The following ZFHX3 variants were observed in gnomAD, a reference collection of about 807,000 sequenced individuals.
The protein encoded by ZFHX3 is zinc finger homeobox protein 3.
A neutral mutation model predicts 279.1 loss-of-function variants in ZFHX3; 42 were observed. The observed-to-expected ratio is 0.15, with a 90% CI of 0.12 to 0.19. The LOEUF (loss-of-function observed/expected upper bound fraction) is 0.19, where lower values mean the gene tolerates loss of function less well. Ranked by LOEUF, ZFHX3 falls within the 10% of genes least tolerant of loss-of-function variation. The probability of loss-of-function intolerance (pLI) is 1.00; values close to 1 mark genes in which losing one functional copy is unlikely to be tolerated. For missense variants in ZFHX3, 4,981 were observed against 4,754.0 expected, an observed-to-expected ratio of 1.05 and a Z score of -1.40; for synonymous variants, 2,293 against 1,957.8, an observed-to-expected ratio of 1.17 and a Z score of -4.52.
chr16:73,615,181 C>T (rs537024687), intron 2 of ZFHX3, among the ~76,000 whole-genome samples: 1 of 151,334 alleles, frequency 6.6e-6, no homozygotes, highest in Non-Finnish European at 1.5e-5. Flanking sequence ...TGAGGGGCCC[C>T]GGGCAGGAGT....
chr16:72,788,901 G>A lies in ZFHX3; in HGVS notation c.9428-53C>T, dbSNP rs2035582715. 12 of 1,503,746 alleles carry A rather than the reference G, an allele frequency of 8.0e-6. No homozygotes were observed. The East Asian group carries it at 1.6e-4, about 20-fold the overall frequency. The allele number at this position is 1,503,746 out of a possible 1,614,324, so 93.2% of individuals were successfully genotyped here. ...GGTCAGTCTGGGCAGGGGTAGGGCT[G>A]AAGCTCAAGACGTTTTACCGGTGTC... On this transcript the variant is annotated intron_variant, in intron 9 of 9. Coordinates refer to ENST00000268489, the MANE Select transcript of ZFHX3 (RefSeq NM_006885.4).
chr16:73,125,047 CA>C (rs749047085), intron 7 of ZFHX3, among the ~76,000 whole-genome samples: 3 of 151,928 alleles, frequency 2.0e-5, no homozygotes, highest in Non-Finnish European at 2.9e-5. Flanking sequence ...AGATCTGGGG[CA>C]AATGGAAGGT....
At chr16:73,422,697 C>T (rs1327997927) in intron 3 of ZFHX3, among the ~76,000 whole-genome samples, 1 of 152,210 alleles carries the variant, frequency 6.6e-6, no homozygotes, top group Admixed American at 6.5e-5. Context: ...CCTCCTTCCT[C>T]TGCCTCTTTG....
At chr16:73,530,166 C>T (rs1475182870) in intron 2 of ZFHX3, among the ~76,000 whole-genome samples, 1 of 152,072 alleles carries the variant, frequency 6.6e-6, no homozygotes, top group Non-Finnish European at 1.5e-5. Flanking sequence ...TGGTGGCAGG[C>T]AAGAGAGAGA....
intron 2 of ZFHX3, among the ~76,000 whole-genome samples, chr16:73,492,646 G>C (rs1346012866): frequency 6.6e-6 from 1 of 152,206 alleles, no homozygotes; most frequent in East Asian, 1.9e-4. Context: ...AAGTGGTCTT[G>C]AAGGTTAAAT....
At chr16:73,383,157 AGTC>A (rs1014512869) in intron 3 of ZFHX3, among the ~76,000 whole-genome samples, 7 of 152,212 alleles carry the variant, frequency 4.6e-5, no homozygotes, top group African/African-American at 1.7e-4. Context: ...CTTAACTGCA[AGTC>A]ATTTGTCTGC....
At chr16:73,439,124 TG>T (rs1180327083) in intron 3 of ZFHX3, among the ~76,000 whole-genome samples, 2 of 152,308 alleles carry the variant, frequency 1.3e-5, no homozygotes, top group East Asian at 3.9e-4. Flanking sequence ...TTCTCTTTCC[TG>T]GAAAACTCTC....
chr16:73,521,695 T>TA (rs1261869104), intron 2 of ZFHX3, among the ~76,000 whole-genome samples: 2 of 151,920 alleles, frequency 1.3e-5, no homozygotes, highest in African/African-American at 2.4e-5. Flanking sequence ...TAATTTAAAA[T>TA]AAAAAAATTT....
chr16:73,733,470 C>T lies in ZFHX3; in HGVS notation c.-1607-53230G>A, dbSNP rs549897176. Among the ~76,000 whole-genome samples, 16 of 152,102 alleles carry T rather than the reference C, an allele frequency of 1.1e-4. No homozygotes were observed. The East Asian group carries it at 3.1e-3, about 29-fold the overall frequency. On this transcript the variant is annotated intron_variant, in intron 1 of 17. Coordinates refer to the ZFHX3 transcript ENST00000641206. ...GTTAAAATTTATATTTTTATATACC[C>T]CCAAATTACACTAATTGAAGTACAA...
intron 5 of ZFHX3, among the ~76,000 whole-genome samples, chr16:72,823,562 C>A (rs1489802583): frequency 6.6e-6 from 1 of 152,126 alleles, no homozygotes; most frequent in East Asian, 1.9e-4. Flanking sequence ...AGAAAAGTAG[C>A]CTTGGTGCTG....
At chr16:73,163,590 C>T (rs1967291821) in intron 5 of ZFHX3, among the ~76,000 whole-genome samples, 1 of 152,176 alleles carries the variant, frequency 6.6e-6, no homozygotes, top group Admixed American at 6.5e-5. Flanking sequence ...AAAAAGTCTG[C>T]TGACTCTTGG....
intron 4 of ZFHX3, among the ~76,000 whole-genome samples, chr16:73,313,986 C>T (rs1480269784): frequency 6.6e-6 from 1 of 152,124 alleles, no homozygotes; most frequent in Non-Finnish European, 1.5e-5. Context: ...GTAGTCCCAG[C>T]TCCTTGAGAG....
intron 4 of ZFHX3, among the ~76,000 whole-genome samples, chr16:72,868,043 C>T (rs1335327558): frequency 1.3e-5 from 2 of 152,164 alleles, no homozygotes; most frequent in Admixed American, 1.3e-4. Context: ...ATGATCCCTG[C>T]CCCAAGATGT....
At chr16:73,122,981 C>G (rs553814828) in intron 7 of ZFHX3, among the ~76,000 whole-genome samples, 20 of 152,216 alleles carry the variant, frequency 1.3e-4, no homozygotes, top group Admixed American at 5.2e-4. Context: ...TCCACTCCCT[C>G]ATGCTACGTT....
At chr16:73,433,339 G>T (rs575582627) in intron 3 of ZFHX3, among the ~76,000 whole-genome samples, 106 of 152,250 alleles carry the variant, frequency 7.0e-4, no homozygotes, top group Admixed American at 1.1e-3. Context: ...GGCTGCTGTG[G>T]GGTATATGCA....
At chr16:73,245,155 T>C (rs957033896) in intron 5 of ZFHX3, among the ~76,000 whole-genome samples, 1 of 152,234 alleles carries the variant, frequency 6.6e-6, no homozygotes, top group African/African-American at 2.4e-5. Context: ...CTCATAGCAG[T>C]CACCACACTG....
At chr16:73,367,437 A>C (rs1287780719) in intron 3 of ZFHX3, among the ~76,000 whole-genome samples, 2 of 152,352 alleles carry the variant, frequency 1.3e-5, no homozygotes, top group East Asian at 3.9e-4. Flanking sequence ...TGAATAATTA[A>C]AAATGATGGT....
intron 5 of ZFHX3, among the ~76,000 whole-genome samples, chr16:73,189,151 C>T (rs79009399): frequency 0.15 from 22,163 of 152,136 alleles, 1,963 homozygotes; most frequent in Middle Eastern, 0.2. Flanking sequence ...CATGAGCCAC[C>T]GCGCCCGCCC....
At chr16:73,283,888 G>A (rs573293167) in intron 4 of ZFHX3, among the ~76,000 whole-genome samples, 2 of 152,182 alleles carry the variant, frequency 1.3e-5, no homozygotes, top group African/African-American at 4.8e-5. Context: ...GTTCGAATTC[G>A]CAATGAGATA....
Sources: allele counts gnomAD v4.1 joint callset (sites outside exome capture counted in the v4.1 genomes callset), GRCh38; gene constraint gnomAD v4.1.1; transcripts MANE v1.5; gene names NCBI Gene and HGNC (gene_info 2026-07-23, HGNC 2026-07-21).